DYM: variants seen among roughly 807,000 people sequenced by gnomAD.
DYM encodes dymeclin, also known as dyggve-Melchior-Clausen syndrome protein.
In DYM, 78 loss-of-function variants were observed where a neutral mutation model predicts 93.1. That is an observed-to-expected ratio of 0.84 (90% CI 0.70 to 1.01). DYM has a LOEUF of 1.01. Ranked by LOEUF, DYM falls within the 50% of genes least tolerant of loss-of-function variation. The pLI is 0.00. For missense variants in DYM, 789 were observed against 845.0 expected, an observed-to-expected ratio of 0.93 and a Z score of 0.82; for synonymous variants, 321 against 319.7, an observed-to-expected ratio of 1.00 and a Z score of -0.04.
At chr18:49,113,549 C>T (rs553839641) in intron 16 of DYM, among the ~76,000 whole-genome samples, 82 of 152,256 alleles carry the variant, frequency 5.4e-4, no homozygotes, top group African/African-American at 1.9e-3. Context: ...ATGTCTTAAC[C>T]AAAAATAATC....
intron 12 of DYM, 44 bp from the exon 13 acceptor site, chr18:49,257,148 C>A: frequency 6.8e-7 from 1 of 1,469,056 alleles, no homozygotes; most frequent in Non-Finnish European, 9.5e-7. Context: ...CAAGTCTTCT[C>A]TATATTTTAA....
chr18:49,384,624 CAAAA>C (rs67349630), intron 3 of DYM, among the ~76,000 whole-genome samples: 1 of 126,904 alleles, frequency 7.9e-6, no homozygotes. Context: ...CACTCCATCT[CAAAA>C]AAAAAAAAAA....
intron 17 of DYM, among the ~76,000 whole-genome samples, chr18:49,082,831 T>C (rs73957592): frequency 0.012 from 1,881 of 152,346 alleles, 29 homozygotes; most frequent in African/African-American, 0.042. Flanking sequence ...CAATGCTGAA[T>C]ACATGTGCTG....
At chr18:49,128,411 T>C (rs916096536) in intron 15 of DYM, among the ~76,000 whole-genome samples, 1 of 152,218 alleles carries the variant, frequency 6.6e-6, no homozygotes, top group South Asian at 2.1e-4. Context: ...AGAAATCCCT[T>C]TCCACAGCCT....
At chr18:49,234,960 A>G (rs770774297) in intron 13 of DYM, among the ~76,000 whole-genome samples, 3 of 152,156 alleles carry the variant, frequency 2.0e-5, no homozygotes, top group Non-Finnish European at 4.4e-5. Flanking sequence ...CAGGAAGGCA[A>G]GGGGGAACTC....
chr18:49,340,448 C>T (rs2064025488), intron 6 of DYM, among the ~76,000 whole-genome samples: 1 of 151,960 alleles, frequency 6.6e-6, no homozygotes, highest in Non-Finnish European at 1.5e-5. Context: ...TAGAAGTAAA[C>T]ATATTAAACA....
At position 49,037,091 on chromosome 18, in the gene DYM, G is replaced by A. The variant is rs2070732505; in HGVS notation, c.*6964C>T. 1.3e-5 allele frequency among the ~76,000 whole-genome samples: 2 copies of A among 151,996 alleles called. No homozygotes were observed. The highest frequency in any genetic ancestry group is 6.6e-5 in the Admixed American group (1 of 15,266). On this transcript the variant is annotated 3_prime_UTR_variant, in exon 18 of 18. Coordinates refer to ENST00000675505, the MANE Select transcript of DYM (RefSeq NM_001353214.3). Reference sequence around the variant, plus strand: ...TAATTTTTGTATTTTTAGTAGAGACGGGGTTTCATCATGTTGGCCAGGCTG... The same window carrying A: ...TAATTTTTGTATTTTTAGTAGAGACAGGGTTTCATCATGTTGGCCAGGCTG...
chr18:49,213,872 T>C (rs1222443616), intron 13 of DYM, among the ~76,000 whole-genome samples: 1 of 152,198 alleles, frequency 6.6e-6, no homozygotes, highest in Non-Finnish European at 1.5e-5. Flanking sequence ...CTATTTGGCA[T>C]AAAAGAAATC....
Position 49,195,490 on chromosome 18 carries a change from G to C in DYM, c.1625+14061C>G, listed in dbSNP as rs922230471. Among the ~76,000 whole-genome samples the C allele has an allele frequency of 2.6e-5, 4 of 152,028 alleles. No individual in the cohort carries two copies. The East Asian group carries it at 5.8e-4, about 22-fold the overall frequency. On this transcript the variant is annotated intron_variant, in intron 14 of 17. Coordinates refer to ENST00000675505, the MANE Select transcript of DYM (RefSeq NM_001353214.3). ...TACCCTTCAGTACCACAGAACAACA[G>C]AACTCACTCTTTCTAGCTAGCTATA...
At chr18:49,141,300 T>C (rs1214805472) in intron 15 of DYM, among the ~76,000 whole-genome samples, 3 of 152,198 alleles carry the variant, frequency 2.0e-5, no homozygotes, top group Admixed American at 6.5e-5. Context: ...TTCTCCACAG[T>C]GCTTTTTTCA....
At chr18:49,226,475 C>T (rs1404834108) in intron 13 of DYM, among the ~76,000 whole-genome samples, 1 of 152,170 alleles carries the variant, frequency 6.6e-6, no homozygotes, top group Non-Finnish European at 1.5e-5. Context: ...GCACAGTTTG[C>T]TATATGGCTT....
chr18:49,075,499 A>C (rs1337872169), intron 17 of DYM, among the ~76,000 whole-genome samples: 3 of 152,226 alleles, frequency 2.0e-5, no homozygotes, highest in East Asian at 1.9e-4. Context: ...TTATGGAGCC[A>C]AGGAAATGTA....
intron 14 of DYM, among the ~76,000 whole-genome samples, chr18:49,185,376 C>T (rs1031538499): frequency 8.5e-5 from 13 of 152,158 alleles, no homozygotes; most frequent in African/African-American, 3.1e-4. Context: ...ATGAGAATTA[C>T]TGTATTCAAT....
intron 17 of DYM, chr18:49,048,390 T>C (rs1268859939): frequency 1.3e-5 from 2 of 152,216 alleles, no homozygotes; most frequent in Non-Finnish European, 2.9e-5. Context: ...ATTGGAATAA[T>C]AACATCTTAC....
chr18:49,438,494 A>G (rs2081052100), intron 1 of DYM, among the ~76,000 whole-genome samples: 1 of 152,190 alleles, frequency 6.6e-6, no homozygotes, highest in African/African-American at 2.4e-5. Context: ...GGGAAATAGC[A>G]TCCCAGAGCA....
intron 17 of DYM, among the ~76,000 whole-genome samples, chr18:49,078,390 A>AAT (rs60812953): frequency 0.11 from 16,572 of 150,120 alleles, 1,110 homozygotes; most frequent in East Asian, 0.25. Context: ...CAAAAATTAA[A>AAT]ATATATATAT....
At chr18:49,068,306 G>A (rs2076630719) in intron 17 of DYM, among the ~76,000 whole-genome samples, 1 of 152,210 alleles carries the variant, frequency 6.6e-6, no homozygotes, top group Non-Finnish European at 1.5e-5. Flanking sequence ...AAATAAGGGG[G>A]TTGAAAAGAG....
At chr18:49,230,257 A>G (rs2093655884) in intron 13 of DYM, among the ~76,000 whole-genome samples, 1 of 152,206 alleles carries the variant, frequency 6.6e-6, no homozygotes, top group Non-Finnish European at 1.5e-5. Flanking sequence ...GCAGTAGCCT[A>G]TGCTGGTCGA....
intron 2 of DYM, among the ~76,000 whole-genome samples, chr18:49,399,750 C>G (rs1032597715): frequency 2.0e-5 from 3 of 152,004 alleles, no homozygotes; most frequent in African/African-American, 7.3e-5. Context: ...GTATTCCAGC[C>G]TGGTACAGAG....
Sources: allele counts gnomAD v4.1 joint callset (sites outside exome capture counted in the v4.1 genomes callset), GRCh38; gene constraint gnomAD v4.1.1; transcripts MANE v1.5; gene names NCBI Gene and HGNC (gene_info 2026-07-23, HGNC 2026-07-21).